SPOCK3: variants seen among roughly 807,000 people sequenced by gnomAD.
The protein encoded by SPOCK3 is SPARC (osteonectin), cwcv and kazal like domains proteoglycan 3.
SPOCK3 carries 30 observed loss-of-function variants against 56.6 expected under a neutral mutation model. That is an observed-to-expected ratio of 0.53 (90% CI 0.40 to 0.72). The LOEUF is 0.72. Ranked by LOEUF, SPOCK3 falls within the 30% of genes least tolerant of loss-of-function variation. The pLI, the probability that SPOCK3 is intolerant of heterozygous loss-of-function variation, is 0.00. For synonymous variants in SPOCK3, 196 were observed against 183.3 expected (o/e 1.07, Z -0.56); for missense variants, 527 against 530.0 (o/e 0.99, Z 0.06).
At chr4:167,163,434 G>T (rs1765495997) in intron 2 of SPOCK3, among the ~76,000 whole-genome samples, 1 of 151,788 alleles carries the variant, frequency 6.6e-6, no homozygotes, top group Non-Finnish European at 1.5e-5. Flanking sequence ...ACCATTTCTT[G>T]TGTTATAAAC....
chr4:166,967,710 G>C (rs1200068424), intron 4 of SPOCK3, among the ~76,000 whole-genome samples: 1 of 152,124 alleles, frequency 6.6e-6, no homozygotes. Context: ...ATTGCAGTGT[G>C]AGAATTAATA....
intron 7 of SPOCK3, among the ~76,000 whole-genome samples, chr4:166,771,479 T>C (rs1211043779): frequency 6.6e-6 from 1 of 152,096 alleles, no homozygotes; most frequent in Non-Finnish European, 1.5e-5. Flanking sequence ...AAGGTAGTGG[T>C]AGAACACAGT....
intron 4 of SPOCK3, among the ~76,000 whole-genome samples, chr4:166,977,462 A>C (rs1256367791): frequency 6.6e-6 from 1 of 152,104 alleles, no homozygotes; most frequent in East Asian, 1.9e-4. Flanking sequence ...CTATTTATGA[A>C]TGTTCATAAT....
intron 2 of SPOCK3, among the ~76,000 whole-genome samples, chr4:167,175,574 G>A (rs973831385): frequency 5.3e-5 from 8 of 152,088 alleles, no homozygotes; most frequent in African/African-American, 1.9e-4. Context: ...TCATTAGAGT[G>A]GGCCTATATA....
intron 2 of SPOCK3, among the ~76,000 whole-genome samples, chr4:167,074,767 G>A (rs1757019692): frequency 6.6e-6 from 1 of 151,712 alleles, no homozygotes; most frequent in Non-Finnish European, 1.5e-5. Context: ...GAAAATCTCT[G>A]GAAACTCTTT....
intron 4 of SPOCK3, among the ~76,000 whole-genome samples, chr4:166,979,878 T>C (rs576660376): frequency 6.6e-6 from 1 of 152,346 alleles, no homozygotes; most frequent in African/African-American, 2.4e-5. Flanking sequence ...CTTTACTGGT[T>C]ACCACATGAG....
At chr4:167,015,757 T>C (rs1235138082) in intron 3 of SPOCK3, among the ~76,000 whole-genome samples, 2 of 152,156 alleles carry the variant, frequency 1.3e-5, no homozygotes, top group Non-Finnish European at 2.9e-5. Flanking sequence ...ATCCAAGTAA[T>C]TGCATCAAAT....
At chr4:167,065,056 A>AAAAAAAAAAAAAAAAAAAAAAAAC (rs1755990539) in intron 2 of SPOCK3, among the ~76,000 whole-genome samples, 2 of 142,820 alleles carry the variant, frequency 1.4e-5, no homozygotes, top group East Asian at 2.2e-4. Flanking sequence ...AAAAAAAAAA[A>AAAAAAAAAAAAAAAAAAAAAAAAC]AAAAGTCAAA....
Position 166,941,830 on chromosome 4 carries a change from T to G in SPOCK3, c.351-29087A>C, listed in dbSNP as rs76078059. Among the ~76,000 whole-genome samples, 30 of 152,200 alleles carry G rather than the reference T, an allele frequency of 2.0e-4. No homozygotes were observed. The East Asian group carries it at 5.8e-3, about 30-fold the overall frequency. On this transcript the variant is annotated intron_variant, in intron 4 of 10. Coordinates refer to ENST00000357545, the MANE Select transcript of SPOCK3 (RefSeq NM_001040159.2). ...TAAGAACCGAGCCTTTAGGGAACCG[T>G]GTGATGAGCCTGGATGTGAATCATT...
chr4:167,187,407 C>G (rs1375830834), intron 2 of SPOCK3, among the ~76,000 whole-genome samples: 1 of 151,810 alleles, frequency 6.6e-6, no homozygotes, highest in Non-Finnish European at 1.5e-5. Flanking sequence ...TATCACTACC[C>G]TAATTATGAA....
chr4:167,184,825 T>A (rs1276867863), intron 2 of SPOCK3, among the ~76,000 whole-genome samples: 2 of 152,198 alleles, frequency 1.3e-5, no homozygotes, highest in Non-Finnish European at 2.9e-5. Flanking sequence ...AAAATCATCA[T>A]TAACTTCCTT....
intron 6 of SPOCK3, among the ~76,000 whole-genome samples, chr4:166,814,068 T>C (rs1052363693): frequency 1.1e-4 from 17 of 152,072 alleles, no homozygotes; most frequent in South Asian, 4.1e-4. Flanking sequence ...AACTTACAAA[T>C]TGATAACTTT....
At chr4:167,077,519 A>G (rs1412510900) in intron 2 of SPOCK3, among the ~76,000 whole-genome samples, 2 of 151,964 alleles carry the variant, frequency 1.3e-5, no homozygotes, top group Non-Finnish European at 2.9e-5. Flanking sequence ...GACAATCTCT[A>G]TATTACATGT....
intron 2 of SPOCK3, among the ~76,000 whole-genome samples, chr4:167,126,304 T>C (rs1762273238): frequency 6.6e-6 from 1 of 152,072 alleles, no homozygotes; most frequent in South Asian, 2.1e-4. Flanking sequence ...TCCCAGCACT[T>C]TGGGAGGCCA....
intron 4 of SPOCK3, among the ~76,000 whole-genome samples, chr4:166,916,619 G>A (rs1399832867): frequency 6.6e-6 from 1 of 151,940 alleles, no homozygotes. Context: ...TCTGAAAGAG[G>A]GTAAATGATG....
At chr4:167,074,287 C>T (rs1252396801) in intron 2 of SPOCK3, among the ~76,000 whole-genome samples, 1 of 151,906 alleles carries the variant, frequency 6.6e-6, no homozygotes, top group Non-Finnish European at 1.5e-5. Context: ...TTATCTTACA[C>T]TTTCTGAGTA....
chr4:166,980,098 T>C (rs1042297441), intron 4 of SPOCK3, among the ~76,000 whole-genome samples: 2 of 152,230 alleles, frequency 1.3e-5, no homozygotes, highest in Admixed American at 1.3e-4. Context: ...ACCTGACAAG[T>C]CTGCCAATTT....
chr4:166,876,268 A>T (rs576750244), intron 6 of SPOCK3, among the ~76,000 whole-genome samples: 1 of 152,302 alleles, frequency 6.6e-6, no homozygotes, highest in Admixed American at 6.5e-5. Context: ...ACTGTGAAGA[A>T]CTGCTTTCCT....
chr4:167,088,837 C>CTATAG (rs1453066026), intron 2 of SPOCK3, among the ~76,000 whole-genome samples: 1 of 152,118 alleles, frequency 6.6e-6, no homozygotes, highest in Non-Finnish European at 1.5e-5. Context: ...TAGCTAGTAC[C>CTATAG]TACATTCGAT....
Sources: gnomAD v4.1 joint callset for allele counts (sites outside exome capture counted in the v4.1 genomes callset) on GRCh38, gnomAD v4.1.1 for gene constraint, MANE v1.5 for transcripts, NCBI Gene and HGNC (gene_info 2026-07-23, HGNC 2026-07-21) for gene names.